The following MB21D2 variants were observed in gnomAD, a reference collection of about 807,000 sequenced individuals.
MB21D2 encodes the protein Mab-21 domain containing 2.
MB21D2 carries 9 observed loss-of-function variants against 33.3 expected under a neutral mutation model. That is an observed-to-expected ratio of 0.27 (90% CI 0.16 to 0.47). The LOEUF is 0.47. Ranked by LOEUF, MB21D2 falls within the 20% of genes least tolerant of loss-of-function variation. MB21D2 has a pLI of 0.99. For missense variants in MB21D2, 540 were observed against 624.6 expected (o/e 0.86, Z 1.44); for synonymous variants, 241 against 236.3 (o/e 1.02, Z -0.18).
chr3:192,839,612 GTGTC>G (rs1477091412), intron 1 of MB21D2, among the ~76,000 whole-genome samples: 1 of 152,150 alleles, frequency 6.6e-6, no homozygotes, highest in Non-Finnish European at 1.5e-5. Context: ...ATACATATAT[GTGTC>G]TGTGTGTGTG....
chr3:192,818,695 T>C (rs1448046245), intron 1 of MB21D2, among the ~76,000 whole-genome samples: 1 of 152,236 alleles, frequency 6.6e-6, no homozygotes, highest in Non-Finnish European at 1.5e-5. Context: ...TTTGCTTTTG[T>C]TAATGTCCTG....
Position 192,797,632 on chromosome 3 carries a change from T to C in MB21D2, c.*754A>G, listed in dbSNP as rs1487034765. On this transcript the variant is annotated 3_prime_UTR_variant, in exon 2 of 2. Coordinates refer to ENST00000392452, the MANE Select transcript of MB21D2 (RefSeq NM_178496.4). The stretch of plus-strand genomic sequence containing the variant: ...CAATGGCAAAGATTAGTGCAAATAA[T>C]AATTATAATGGTATGTTCTTTAATA... The C allele has an allele frequency of 6.6e-6, 1 of 152,644 alleles. No homozygotes were observed. The highest frequency in any genetic ancestry group is 2.4e-5 in the African/African-American group (1 of 41,448). The allele number at this position is 152,644 out of a possible 1,614,324, so 9.5% of individuals were successfully genotyped here.
At chr3:192,914,401 T>C (rs541566519) in intron 1 of MB21D2, among the ~76,000 whole-genome samples, 11 of 152,300 alleles carry the variant, frequency 7.2e-5, no homozygotes, top group Admixed American at 6.5e-4. Context: ...TTCTCCAGCA[T>C]CTGCATACCC....
chr3:192,896,694 T>C (rs3952738), intron 1 of MB21D2, among the ~76,000 whole-genome samples: 78,280 of 152,106 alleles, frequency 0.51, 20,287 homozygotes, highest in South Asian at 0.53. Context: ...GCCCAGTATC[T>C]TGTTAGCAGT....
chr3:192,905,800 C>A (rs1202077112), intron 1 of MB21D2, among the ~76,000 whole-genome samples: 1 of 146,468 alleles, frequency 6.8e-6, no homozygotes, highest in Non-Finnish European at 1.5e-5. Context: ...ACCACTGCAC[C>A]CCAGCCTGGG....
chr3:192,835,455 C>CAAAA (rs34280688), intron 1 of MB21D2, among the ~76,000 whole-genome samples: 2,262 of 60,588 alleles, frequency 0.037, 163 homozygotes, highest in Non-Finnish European at 0.052. Flanking sequence ...GACTCTGTCT[C>CAAAA]AAAAAAAAAA....
intron 1 of MB21D2, among the ~76,000 whole-genome samples, chr3:192,848,692 C>T (rs1009458031): frequency 1.3e-5 from 2 of 152,230 alleles, no homozygotes; most frequent in African/African-American, 2.4e-5. Context: ...CCAGAATCTA[C>T]GTGTTATACA....
At chr3:192,857,439 C>G (rs1712942002) in intron 1 of MB21D2, among the ~76,000 whole-genome samples, 1 of 152,182 alleles carries the variant, frequency 6.6e-6, no homozygotes, top group South Asian at 2.1e-4. Context: ...GGAGAAACAG[C>G]TACAGATTTC....
intron 1 of MB21D2, among the ~76,000 whole-genome samples, chr3:192,849,277 TA>T (rs1433903590): frequency 2.4e-4 from 32 of 135,688 alleles, no homozygotes; most frequent in African/African-American, 8.1e-4. Context: ...GCTAATTCGT[TA>T]ACCATCTTCA....
intron 1 of MB21D2, among the ~76,000 whole-genome samples, chr3:192,803,233 G>A (rs1711591936): frequency 6.6e-6 from 1 of 152,092 alleles, no homozygotes; most frequent in African/African-American, 2.4e-5. Context: ...AATGATAAAA[G>A]GTTCTCTTTC....
At chr3:192,818,812 A>AAT (rs1293849427) in intron 1 of MB21D2, among the ~76,000 whole-genome samples, 2 of 152,162 alleles carry the variant, frequency 1.3e-5, no homozygotes, top group Non-Finnish European at 2.9e-5. Context: ...GATTTTAAGG[A>AAT]ATATATATAC....
intron 1 of MB21D2, among the ~76,000 whole-genome samples, chr3:192,851,473 T>C (rs577442606): frequency 1.3e-5 from 2 of 149,790 alleles, no homozygotes; most frequent in East Asian, 4.0e-4. Flanking sequence ...CACTAAATTG[T>C]ACACTTTTTT....
chr3:192,848,045 C>T (rs567351665), intron 1 of MB21D2, among the ~76,000 whole-genome samples: 6 of 152,260 alleles, frequency 3.9e-5, no homozygotes, highest in South Asian at 4.1e-4. Context: ...TTTACATTTT[C>T]GGCCAAGAAG....
intron 1 of MB21D2, among the ~76,000 whole-genome samples, chr3:192,916,098 TTATATATA>T (rs55749042): frequency 1.4e-5 from 2 of 139,176 alleles, no homozygotes; most frequent in Non-Finnish European, 3.0e-5. Flanking sequence ...CTACCAGGTT[TTATATATA>T]TATATATATA....
chr3:192,846,514 A>G (rs1327056986), intron 1 of MB21D2, among the ~76,000 whole-genome samples: 5 of 152,170 alleles, frequency 3.3e-5, no homozygotes, highest in African/African-American at 1.2e-4. Flanking sequence ...ACATGTACAT[A>G]AACAAATCCA....
At chr3:192,847,708 C>T (rs1712704980) in intron 1 of MB21D2, among the ~76,000 whole-genome samples, 1 of 152,168 alleles carries the variant, frequency 6.6e-6, no homozygotes. Flanking sequence ...ACTCCTCGGC[C>T]TACCTGACAA....
chr3:192,856,181 T>C (rs1261652218), intron 1 of MB21D2, among the ~76,000 whole-genome samples: 3 of 152,326 alleles, frequency 2.0e-5, no homozygotes, highest in East Asian at 3.9e-4. Flanking sequence ...GAGACTCTGA[T>C]TGCATTCAGA....
chr3:192,904,528 G>A (rs1714166796), intron 1 of MB21D2, among the ~76,000 whole-genome samples: 1 of 151,590 alleles, frequency 6.6e-6, no homozygotes, highest in South Asian at 2.1e-4. Flanking sequence ...GCCCTTGGCT[G>A]CGGTTCTTAA....
intron 1 of MB21D2, among the ~76,000 whole-genome samples, chr3:192,897,014 T>C (rs1431730853): frequency 6.6e-6 from 1 of 152,062 alleles, no homozygotes; most frequent in Non-Finnish European, 1.5e-5. Context: ...AAACAAGACA[T>C]AAATTCCTCT....
Sources: gnomAD v4.1 joint callset for allele counts (sites outside exome capture counted in the v4.1 genomes callset) on GRCh38, gnomAD v4.1.1 for gene constraint, MANE v1.5 for transcripts, NCBI Gene and HGNC (gene_info 2026-07-23, HGNC 2026-07-21) for gene names.